Variants in KIAA0319 observed in about 807,000 individuals in gnomAD.
KIAA0319 encodes the protein dyslexia-associated protein KIAA0319.
Under a neutral mutation model 108.4 loss-of-function variants are expected in KIAA0319, and 83 were observed. That is an observed-to-expected ratio of 0.77 (90% CI 0.64 to 0.92). The LOEUF is 0.92. Among genes scored for constraint, KIAA0319 ranks in the 40% least tolerant of loss-of-function variants. KIAA0319 has a pLI of 0.00. For missense variants in KIAA0319, 1,195 were observed against 1,322.4 expected, an observed-to-expected ratio of 0.90 and a Z score of 1.49; for synonymous variants, 484 against 510.4, an observed-to-expected ratio of 0.95 and a Z score of 0.70.
At chr6:24,600,718 A>G in intron 2 of KIAA0319, 7 of 1,462,664 alleles carry the variant, frequency 4.8e-6, no homozygotes, top group East Asian at 2.5e-5. Context: ...AACTGAGTAT[A>G]ATGAAAATAA....
Position 24,579,957 on chromosome 6 carries a change from C to CA in KIAA0319, c.1280-8dup, listed in dbSNP as rs3215493. On this transcript the variant is annotated splice_polypyrimidine_tract_variant and splice_region_variant and intron_variant, in intron 7 of 20. Coordinates refer to ENST00000378214, the MANE Select transcript of KIAA0319 (RefSeq NM_014809.4). ...GGCAGGTTGACTCTTCTGGCTGTAACAAAAAAAAGGACAGTGACTGAGCCC... is the reference window on the plus strand; with the variant it reads ...GGCAGGTTGACTCTTCTGGCTGTAACAAAAAAAAAGGACAGTGACTGAGCCC... 285,085 of 1,565,220 alleles carry CA rather than the reference C, an allele frequency of 0.18. 29,274 individuals carry two copies. The highest frequency in any genetic ancestry group is 0.53 in the East Asian group (22,289 of 42,382).
intron 1 of KIAA0319, among the ~76,000 whole-genome samples, chr6:24,606,644 T>G (rs1771450598): frequency 6.6e-6 from 1 of 152,220 alleles, no homozygotes; most frequent in Non-Finnish European, 1.5e-5. Flanking sequence ...ACATTCTCCA[T>G]TTATTCCTTA....
At chr6:24,602,058 T>G (rs1364579998) in intron 1 of KIAA0319, among the ~76,000 whole-genome samples, 1 of 151,648 alleles carries the variant, frequency 6.6e-6, no homozygotes, top group African/African-American at 2.4e-5. Context: ...TGCACTGTCA[T>G]CCAGGTTGCA....
rs192563483 is a variant in KIAA0319 at position 24,606,993 on chromosome 6, C to T, written c.-105-5785G>A. On this transcript the variant is annotated intron_variant, in intron 1 of 20. Coordinates refer to ENST00000378214, the MANE Select transcript of KIAA0319 (RefSeq NM_014809.4). ...CTGCCTACCAGCCCTGGACAGCCAA[C>T]CTTTGAATTCTTGAGGAAAAAATAA... Among the ~76,000 whole-genome samples, 5 of 152,296 alleles carry T rather than the reference C, an allele frequency of 3.3e-5. No individual in the cohort carries two copies. In the East Asian group the frequency reaches 9.6e-4, roughly 29 times the overall value.
chr6:24,575,052 C>T (rs561023056), intron 10 of KIAA0319, among the ~76,000 whole-genome samples: 57 of 152,370 alleles, frequency 3.7e-4, no homozygotes, highest in Middle Eastern at 3.4e-3. Flanking sequence ...AGTAAGAACA[C>T]AGCCTCAGCA....
intron 1 of KIAA0319, among the ~76,000 whole-genome samples, chr6:24,631,387 G>C (rs1775564227): frequency 6.6e-6 from 1 of 152,220 alleles, no homozygotes; most frequent in Non-Finnish European, 1.5e-5. Flanking sequence ...TGATAAAACA[G>C]ATAAGAGAAC....
chr6:24,567,470 G>A (rs1764064430), intron 13 of KIAA0319, among the ~76,000 whole-genome samples: 1 of 152,204 alleles, frequency 6.6e-6, no homozygotes. Flanking sequence ...GGGAGGCTAA[G>A]GCAGGATGAG....
intron 1 of KIAA0319, among the ~76,000 whole-genome samples, chr6:24,638,772 A>G (rs1582370035): frequency 1.4e-5 from 2 of 145,756 alleles, no homozygotes; most frequent in South Asian, 4.5e-4. Flanking sequence ...AAAAAAAAAA[A>G]AGAATTAGAA....
At position 24,588,666 on chromosome 6, in the gene KIAA0319, A is replaced by C; in HGVS notation, c.921T>G (p.Pro307=). The C allele has an allele frequency of 6.2e-7, 1 of 1,613,908 alleles. No homozygotes were observed. Among genetic ancestry groups the C allele is most frequent in the Non-Finnish European group, 8.5e-7 (1 of 1,179,936 alleles). ...ACTCAGAGGGGGCTGCGCTAGTGGG[A>C]GGTGTTGGGATGCTGTGCTCTGTAC... is the stretch of plus-strand genomic sequence containing the variant. ...PGSTEHSIPT[P]PTSAAPSEST... Residue 307 remains proline, a synonymous_variant, in exon 4 of 21, where the codon CCT becomes CCG. Transcript: ENST00000378214.
intron 3 of KIAA0319, among the ~76,000 whole-genome samples, chr6:24,593,024 A>G (rs1768761984): frequency 6.6e-6 from 1 of 152,140 alleles, no homozygotes; most frequent in African/African-American, 2.4e-5. Flanking sequence ...TCTACTGGAT[A>G]CCTCTCCAGG....
intron 1 of KIAA0319, among the ~76,000 whole-genome samples, chr6:24,632,202 A>G (rs1775667369): frequency 6.6e-6 from 1 of 152,260 alleles, no homozygotes; most frequent in Admixed American, 6.5e-5. Flanking sequence ...AGTGGTTTAT[A>G]ATATTCATCA....
chr6:24,559,268 G>C, intron 16 of KIAA0319, 113 bp from the exon 17 acceptor site: 1 of 1,207,528 alleles, frequency 8.3e-7, no homozygotes, highest in Non-Finnish European at 1.1e-6. Flanking sequence ...CTACAGCTCT[G>C]TGGCTTGCCA....
chr6:24,645,304 A>G (rs1161428468), intron 1 of KIAA0319, among the ~76,000 whole-genome samples: 1 of 152,176 alleles, frequency 6.6e-6, no homozygotes, highest in African/African-American at 2.4e-5. Flanking sequence ...TAAGATGATA[A>G]CTCTCAAAAT....
At chr6:24,595,841 C>T (rs1769452987) in intron 3 of KIAA0319, 32 bp downstream of exon 3, 1 of 1,557,198 alleles carries the variant, frequency 6.4e-7, no homozygotes, top group African/African-American at 1.4e-5. Flanking sequence ...CTCAGCCCAT[C>T]CCACCCCCAA....
chr6:24,588,928 C>T, intron 3 of KIAA0319, 143 bp from the exon 4 acceptor site: 1 of 679,946 alleles, frequency 1.5e-6, no homozygotes, highest in Non-Finnish European at 2.5e-6. Flanking sequence ...AACTCTGGAA[C>T]TCTAGACCAT....
chr6:24,635,221 C>A (rs1776046355), intron 1 of KIAA0319, among the ~76,000 whole-genome samples: 1 of 151,940 alleles, frequency 6.6e-6, no homozygotes, highest in Non-Finnish European at 1.5e-5. Flanking sequence ...ACCTCCGCCT[C>A]AGCCTCCTGA....
chr6:24,598,058 GC>G, intron 2 of KIAA0319: 1 of 372,698 alleles, frequency 2.7e-6, no homozygotes, highest in Non-Finnish European at 5.1e-6. Flanking sequence ...TCTACCTCTG[GC>G]CCCTGGGCCT....
rs146651196 is a variant in KIAA0319 at position 24,599,445 on chromosome 6, C to A, written c.55+1604G>T. ...GGAGGCCACCCTGCAGTGGGCCATG[C>A]AGGACATGGCATGGCAGCTGCATGA... is the stretch of plus-strand genomic sequence containing the variant. On this transcript the variant is annotated intron_variant, in intron 2 of 20. Transcript: ENST00000378214. The surrounding 1 kb of genome is among the most constrained non-coding windows in gnomAD (Gnocchi z 4.1). 7.4e-3 allele frequency: 4,063 copies of A among 551,842 alleles called. 29 individuals are homozygous for A. The highest frequency in any genetic ancestry group is 0.011 in the Non-Finnish European group (3,087 of 286,980). The allele number at this position is 551,842 out of a possible 1,614,324, so 34.2% of individuals were successfully genotyped here.
Position 24,613,664 on chromosome 6 carries a change from G to C in KIAA0319, c.-105-12456C>G, listed in dbSNP as rs368468952. ...AGAGAAAGAACACAAGGAGGAACAG[G>C]CAGATCATTTGAGGGAAAAAAAAAA... is the stretch of plus-strand genomic sequence containing the variant. On this transcript the variant is annotated intron_variant, in intron 1 of 20. Coordinates refer to ENST00000378214, the MANE Select transcript of KIAA0319 (RefSeq NM_014809.4). Among the ~76,000 whole-genome samples the C allele has an allele frequency of 1.3e-4, 19 of 148,044 alleles. No individual in the cohort carries two copies. The East Asian group carries it at 2.8e-3, about 21-fold the overall frequency.
Sources: gnomAD v4.1 joint callset for allele counts (sites outside exome capture counted in the v4.1 genomes callset) on GRCh38, gnomAD v4.1.1 for gene constraint, Gnocchi (gnomAD v3.1) non-coding constraint, MANE v1.5 for transcripts, NCBI Gene and HGNC (gene_info 2026-07-23, HGNC 2026-07-21) for gene names.